The following ARHGAP44 variants were observed in gnomAD, a reference collection of about 807,000 sequenced individuals.
ARHGAP44 encodes rho GTPase-activating protein 44.
In ARHGAP44, 43 loss-of-function variants were observed where a neutral mutation model predicts 106.8. That is an observed-to-expected ratio of 0.40 (90% CI 0.32 to 0.52). The LOEUF is 0.52. Among genes scored for constraint, ARHGAP44 ranks in the 20% least tolerant of loss-of-function variants. ARHGAP44 has a pLI of 0.48. For missense variants in ARHGAP44, 866 were observed against 1,050.5 expected (o/e 0.82, Z 2.43); for synonymous variants, 439 against 410.3 (o/e 1.07, Z -0.85).
chr17:12,984,235 T>A lies in ARHGAP44; in HGVS notation c.1940-296T>A, dbSNP rs78556525. ...TCCTGTGGATGGGAAATTTGTTCTC[T>A]AGTTTGGCTGGGTGTGCGTGTGTAG... On this transcript the variant is annotated intron_variant, in intron 19 of 20. Coordinates refer to ENST00000379672, the MANE Select transcript of ARHGAP44 (RefSeq NM_014859.6). Among the ~76,000 whole-genome samples the A allele has an allele frequency of 9.2e-3, 1,406 of 152,182 alleles. 76 individuals carry two copies. In the East Asian group the frequency reaches 0.15, roughly 16 times the overall value.
At chr17:12,864,824 A>C (rs1207160171) in intron 1 of ARHGAP44, among the ~76,000 whole-genome samples, 1 of 152,214 alleles carries the variant, frequency 6.6e-6, no homozygotes, top group Non-Finnish European at 1.5e-5. Flanking sequence ...ACAATATAAA[A>C]ACTATTTTTT....
chr17:12,991,139 G>C lies in ARHGAP44; in HGVS notation c.*968G>C, dbSNP rs2040127737. ...GCGGTGTGGCCTGCTTTGCTCACCA[G>C]CGTCAGCCGCTCATTTCCTTCTCAT... On this transcript the variant is annotated 3_prime_UTR_variant, in exon 21 of 21. Transcript: ENST00000379672. 1 of 152,630 alleles carries C rather than the reference G, an allele frequency of 6.6e-6. No individual in the cohort carries two copies. The highest frequency in any genetic ancestry group is 1.5e-5 in the Non-Finnish European group (1 of 68,052). The allele number at this position is 152,630 out of a possible 1,614,324, so 9.5% of individuals were successfully genotyped here. A position where few individuals can be genotyped will look rare whatever the true frequency, so the allele number is the denominator to read the frequency against.
At chr17:12,805,492 A>G (rs1334325126) in intron 1 of ARHGAP44, among the ~76,000 whole-genome samples, 1 of 152,196 alleles carries the variant, frequency 6.6e-6, no homozygotes, top group African/African-American at 2.4e-5. Context: ...TGCCTTCATA[A>G]TCTCCAAGAT....
intron 1 of ARHGAP44, among the ~76,000 whole-genome samples, chr17:12,834,640 T>C (rs1285531407): frequency 1.3e-5 from 2 of 152,236 alleles, no homozygotes; most frequent in Admixed American, 6.5e-5. Context: ...TACTAAAATG[T>C]ACTCTTGGAT....
chr17:12,914,392 CA>C (rs2037838790), intron 4 of ARHGAP44, among the ~76,000 whole-genome samples: 2 of 152,182 alleles, frequency 1.3e-5, no homozygotes, highest in Non-Finnish European at 2.9e-5. Context: ...ATGTAATAGC[CA>C]AAAACTCTTG....
intron 16 of ARHGAP44, among the ~76,000 whole-genome samples, chr17:12,967,632 A>G (rs1407239772): frequency 6.6e-6 from 1 of 152,100 alleles, no homozygotes; most frequent in Non-Finnish European, 1.5e-5. Context: ...GTGAGCAGAC[A>G]ACATCTTCTA....
At chr17:12,868,594 TATATATA>T (rs2036307820) in intron 1 of ARHGAP44, among the ~76,000 whole-genome samples, 1 of 14,830 alleles carries the variant, frequency 6.7e-5, no homozygotes, top group African/African-American at 2.4e-4. Flanking sequence ...ATGCATTTTA[TATATATA>T]TATATATATA....
intron 3 of ARHGAP44, among the ~76,000 whole-genome samples, chr17:12,902,259 C>G (rs924615025): frequency 1.3e-5 from 2 of 152,154 alleles, no homozygotes; most frequent in African/African-American, 4.8e-5. Flanking sequence ...ATGCCCAGCT[C>G]ACACTCCTCT....
intron 3 of ARHGAP44, among the ~76,000 whole-genome samples, chr17:12,899,929 A>G (rs1254884988): frequency 6.6e-6 from 1 of 152,034 alleles, no homozygotes; most frequent in Non-Finnish European, 1.5e-5. Flanking sequence ...TTGTCATACC[A>G]CTTTTAAAAG....
chr17:12,980,390 T>A (rs1418180661), intron 19 of ARHGAP44, among the ~76,000 whole-genome samples, 157 bp downstream of exon 19: 1 of 152,180 alleles, frequency 6.6e-6, no homozygotes, highest in Non-Finnish European at 1.5e-5. Context: ...TTAAAAGGGA[T>A]CCTTTCTCTA....
chr17:12,868,124 G>T (rs2150877087), intron 1 of ARHGAP44, among the ~76,000 whole-genome samples: 1 of 152,312 alleles, frequency 6.6e-6, no homozygotes, highest in South Asian at 2.1e-4. Context: ...TATTTCTGGA[G>T]GCTGGAAGTC....
intron 1 of ARHGAP44, among the ~76,000 whole-genome samples, chr17:12,796,604 T>G (rs183862475): frequency 0.024 from 3,604 of 149,810 alleles, 50 homozygotes; most frequent in Middle Eastern, 0.055. Context: ...TTTTCTTTGT[T>G]TTTTTTTTTT....
chr17:12,973,961 C>T (rs892581790), intron 17 of ARHGAP44, 128 bp from the exon 18 acceptor site: 31 of 1,024,372 alleles, frequency 3.0e-5, no homozygotes, highest in African/African-American at 2.2e-4. Flanking sequence ...CATCGCTTCC[C>T]GGGCCCCCGG....
intron 5 of ARHGAP44, among the ~76,000 whole-genome samples, chr17:12,918,696 C>T (rs1336039441): frequency 6.6e-6 from 1 of 152,022 alleles, no homozygotes; most frequent in Non-Finnish European, 1.5e-5. Flanking sequence ...ATAGCCTCTC[C>T]ACGCTCTTCC....
At chr17:12,967,417 C>T (rs2039422053) in intron 16 of ARHGAP44, among the ~76,000 whole-genome samples, 1 of 151,910 alleles carries the variant, frequency 6.6e-6, no homozygotes, top group Non-Finnish European at 1.5e-5. Flanking sequence ...ACTGTGGTTG[C>T]AATGTCTGGA....
At chr17:12,863,298 C>T (rs935134923) in intron 1 of ARHGAP44, among the ~76,000 whole-genome samples, 1 of 152,000 alleles carries the variant, frequency 6.6e-6, no homozygotes, top group South Asian at 2.1e-4. Context: ...GAAATAAGAA[C>T]TTCTGATTGC....
intron 1 of ARHGAP44, among the ~76,000 whole-genome samples, chr17:12,868,621 A>ATG (rs1271285101): frequency 3.7e-5 from 5 of 136,084 alleles, no homozygotes; most frequent in African/African-American, 1.4e-4. Flanking sequence ...ATATATATAT[A>ATG]TATATATATA....
chr17:12,835,898 T>G (rs2035223616), intron 1 of ARHGAP44, among the ~76,000 whole-genome samples: 1 of 152,228 alleles, frequency 6.6e-6, no homozygotes, highest in Non-Finnish European at 1.5e-5. Flanking sequence ...ATACAATATT[T>G]GCCTTTTTGT....
In ARHGAP44 at chr17:12,958,671, G is replaced by A. The variant is rs2039185828; in HGVS notation, c.1343-46G>A. On this transcript the variant is annotated intron_variant, in intron 15 of 20. Transcript: ENST00000379672. The surrounding 1 kb of genome is among the most constrained non-coding windows in gnomAD (Gnocchi z 4.1). ...CATTCCTCCCCTGCCCAGGAAGGGT[G>A]TGGCAGACCAAGAGTTCACATGTAC... is the stretch of plus-strand genomic sequence containing the variant. 6.3e-7 allele frequency: 1 copy of A among 1,585,924 alleles called. No homozygotes were observed.
Sources: allele counts gnomAD v4.1 joint callset (sites outside exome capture counted in the v4.1 genomes callset), GRCh38; gene constraint gnomAD v4.1.1; non-coding constraint Gnocchi (gnomAD v3.1); transcripts MANE v1.5; gene names NCBI Gene and HGNC (gene_info 2026-07-23, HGNC 2026-07-21).